Variants in CCT6A observed in about 807,000 individuals in gnomAD.
CCT6A encodes the protein chaperonin containing TCP1 subunit 6A, also known as T-complex protein 1 subunit zeta.
Under a neutral mutation model 58.6 loss-of-function variants are expected in CCT6A, and 6 were observed. The ratio of observed to expected loss-of-function variants is 0.10; its 90% CI spans 0.06 to 0.20. CCT6A has a LOEUF of 0.20. CCT6A is among the 10% of genes least tolerant of loss of function. CCT6A has a pLI of 1.00. For synonymous variants in CCT6A, 245 were observed against 227.8 expected, an observed-to-expected ratio of 1.08 and a Z score of -0.68; for missense variants, 516 against 648.8, an observed-to-expected ratio of 0.80 and a Z score of 2.22.
chr7:56,062,129 C>T (rs1479848302), intron 12 of CCT6A: 3 of 270,020 alleles, frequency 1.1e-5, no homozygotes, highest in Non-Finnish European at 1.4e-5. Flanking sequence ...TTGCATTTGC[C>T]TTACTCAGTT....
intron 2 of CCT6A, 123 bp downstream of exon 2, chr7:56,052,608 T>G: frequency 1.2e-6 from 1 of 823,304 alleles, no homozygotes; most frequent in Non-Finnish European, 2.0e-6. Context: ...GTGTAATCAG[T>G]AATAGTCCTG....
At chr7:56,056,249 A>C in intron 4 of CCT6A, 62 bp from the exon 5 acceptor site, 1 of 895,544 alleles carries the variant, frequency 1.1e-6, no homozygotes, top group Non-Finnish European at 1.9e-6. Context: ...TAGCCTTCTG[A>C]AAAGCAACAT....
intron 10 of CCT6A, 64 bp downstream of exon 10, chr7:56,060,480 AT>A (rs754090427): frequency 1.3e-6 from 2 of 1,534,646 alleles, no homozygotes; most frequent in African/African-American, 2.7e-5. Flanking sequence ...GCATGGCCGA[AT>A]ACTGTGTTTT....
chr7:56,058,185 A>G, intron 6 of CCT6A, 82 bp downstream of exon 6: 2 of 958,952 alleles, frequency 2.1e-6, no homozygotes, highest in South Asian at 1.4e-5. Context: ...TTTGTTTCCC[A>G]CTGTAAGGAC....
At chr7:56,052,318 C>G (rs371149028) in intron 1 of CCT6A, 104 bp from the exon 2 acceptor site, 21 of 988,370 alleles carry the variant, frequency 2.1e-5, no homozygotes, top group Non-Finnish European at 3.4e-5. Context: ...TAACTAGCCC[C>G]ACATCCCTGG....
intron 9 of CCT6A, 169 bp downstream of exon 9, chr7:56,059,809 C>A: frequency 1.8e-6 from 1 of 550,462 alleles, no homozygotes; most frequent in South Asian, 2.3e-5. Flanking sequence ...CCGCCTCAGG[C>A]TTCTGAGCAG....
intron 4 of CCT6A, 60 bp downstream of exon 4, chr7:56,055,857 G>C (rs1794293893): frequency 1.5e-5 from 18 of 1,237,414 alleles, no homozygotes; most frequent in Admixed American, 4.1e-5. Flanking sequence ...ATCTCTGATA[G>C]TAGAAACATG....
At chr7:56,052,832 C>T (rs569385118) in intron 2 of CCT6A, among the ~76,000 whole-genome samples, 3 of 148,324 alleles carry the variant, frequency 2.0e-5, no homozygotes, top group East Asian at 4.0e-4. Context: ...CTCGCTCTGT[C>T]GACCAGCCTG....
In CCT6A at chr7:56,051,842, A is replaced by G; in HGVS notation, c.-7A>G. The G allele has an allele frequency of 6.4e-7, 1 of 1,557,142 alleles. No homozygotes were observed. Among genetic ancestry groups the G allele is most frequent in the Non-Finnish European group, 8.7e-7 (1 of 1,151,230 alleles). On this transcript the variant is annotated 5_prime_UTR_variant, in exon 1 of 14. Coordinates refer to ENST00000275603, the MANE Select transcript of CCT6A (RefSeq NM_001762.4). ...GCATCGTTTCCTTTTCCTCCGCTGG[A>G]GCAGCTATGGCGGCGGTGAAGACCC...
In CCT6A at chr7:56,058,613, G is replaced by A. The variant is rs1476773987; in HGVS notation, c.886-7G>A. The A allele has an allele frequency of 2.5e-6, 4 of 1,600,052 alleles. No individual in the cohort carries two copies. The South Asian group carries it at 3.3e-5, about 13-fold the overall frequency. On this transcript the variant is annotated splice_region_variant and splice_polypyrimidine_tract_variant and intron_variant, in intron 7 of 13. Coordinates refer to ENST00000275603, the MANE Select transcript of CCT6A (RefSeq NM_001762.4). Reference sequence around the variant, plus strand: ...GATGTTGAAATTAATTTTTATTTTTGTTACAGGGAATTGACCCCTTTTCCT... The same window carrying A: ...GATGTTGAAATTAATTTTTATTTTTATTACAGGGAATTGACCCCTTTTCCT...
At chr7:56,055,603 G>A in intron 3 of CCT6A, 21 bp from the exon 4 acceptor site, 1 of 1,604,382 alleles carries the variant, frequency 6.2e-7, no homozygotes, top group Non-Finnish European at 8.5e-7. Flanking sequence ...AGATGCAAGT[G>A]TTAATGTGTG....
intron 9 of CCT6A, 54 bp from the exon 10 acceptor site, chr7:56,060,215 C>T (rs1383140001): frequency 6.6e-7 from 1 of 1,515,556 alleles, no homozygotes; most frequent in Non-Finnish European, 9.1e-7. Flanking sequence ...TCCCTCTTCT[C>T]TCTTCACTCT....
At chr7:56,058,813 A>G (rs991769583) in intron 8 of CCT6A, 111 bp downstream of exon 8, 9 of 663,224 alleles carry the variant, frequency 1.4e-5, no homozygotes, top group South Asian at 9.8e-5. Flanking sequence ...GGCATTAACT[A>G]TATTCACATT....
chr7:56,060,132 C>A, intron 9 of CCT6A, 137 bp from the exon 10 acceptor site: 2 of 672,250 alleles, frequency 3.0e-6, no homozygotes, highest in Non-Finnish European at 5.1e-6. Flanking sequence ...TGTGATTTTT[C>A]AAAAGGAGAT....
intron 2 of CCT6A, 35 bp downstream of exon 2, chr7:56,052,520 TG>T: frequency 2.0e-6 from 3 of 1,529,640 alleles, no homozygotes; most frequent in Non-Finnish European, 1.8e-6. Flanking sequence ...AGAAAGGTCT[TG>T]ATTTTCCGTA....
chr7:56,052,087 C>A, intron 1 of CCT6A, 102 bp downstream of exon 1: 2 of 1,038,792 alleles, frequency 1.9e-6, no homozygotes, highest in Non-Finnish European at 2.5e-6. Context: ...CGGGGCTGCG[C>A]AGCCGTCCTT....
At chr7:56,057,821 C>G (rs138647546) in intron 5 of CCT6A, among the ~76,000 whole-genome samples, 172 bp from the exon 6 acceptor site, 1 of 152,114 alleles carries the variant, frequency 6.6e-6, no homozygotes, top group African/African-American at 2.4e-5. Context: ...GTGGAGCTTG[C>G]GGTGAGCCAA....
rs1214407600 is a variant in CCT6A, at chr7:56,060,952, T to TTG, written c.1347+13_1347+14insGT. 3 of 1,586,760 alleles carry TTG rather than the reference T, an allele frequency of 1.9e-6. No homozygotes were observed. The highest frequency in any genetic ancestry group is 2.6e-6 in the Non-Finnish European group (3 of 1,170,446). ...TCATTATTCCCAAGGTGTGCATGCT[T>TTG]TTAACAGTCAATCTTCCAAAAGATT... On this transcript the variant is annotated intron_variant, in intron 11 of 13. Transcript: ENST00000275603.
chr7:56,058,595 AAATT>A (rs1361285342), intron 7 of CCT6A, 21 bp from the exon 8 acceptor site: 1 of 1,588,594 alleles, frequency 6.3e-7, no homozygotes, highest in African/African-American at 1.4e-5. Context: ...AAAGATGTTG[AAATT>A]AATTTTTATT....
Sources: allele counts gnomAD v4.1 joint callset (sites outside exome capture counted in the v4.1 genomes callset), GRCh38; gene constraint gnomAD v4.1.1; transcripts MANE v1.5; gene names NCBI Gene and HGNC (gene_info 2026-07-23, HGNC 2026-07-21).